Variants in RANBP2 observed in about 807,000 individuals in gnomAD.
RANBP2 encodes E3 SUMO-protein ligase RanBP2.
In RANBP2, 57 loss-of-function variants were observed where a neutral mutation model predicts 303.6. The ratio of observed to expected loss-of-function variants is 0.19; its 90% CI spans 0.15 to 0.23. The LOEUF is 0.23. RANBP2 is among the 10% of genes least tolerant of loss of function. The pLI, the probability that RANBP2 is intolerant of heterozygous loss-of-function variation, is 1.00. For missense variants in RANBP2, 3,138 were observed against 3,780.8 expected (o/e 0.83, Z 4.46); for synonymous variants, 1,167 against 1,301.5 (o/e 0.90, Z 2.23).
At chr2:108,976,775 T>A in the RANBP2 span, among the ~76,000 whole-genome samples, 3 of 152,210 alleles carry the variant, frequency 2.0e-5, no homozygotes. Context: ...GGTTTGTGTG[T>A]CCCTTAGACA....
the RANBP2 span, among the ~76,000 whole-genome samples, chr2:109,592,270 G>A: frequency 6.6e-6 from 1 of 151,872 alleles, no homozygotes; most frequent in African/African-American, 2.4e-5. Context: ...TTCGAGACCA[G>A]CCTGGGCAAC....
At chr2:109,613,806 G>A in the RANBP2 span, 10 of 1,232,886 alleles carry the variant, frequency 8.1e-6, no homozygotes, top group South Asian at 2.4e-4. Context: ...ACCAGGTGCC[G>A]CGCCACCTCG....
chr2:109,338,001 G>A, the RANBP2 span, among the ~76,000 whole-genome samples: 1 of 152,070 alleles, frequency 6.6e-6, no homozygotes, highest in Non-Finnish European at 1.5e-5. Context: ...CAAAGTGTTG[G>A]GATTACAGGC....
chr2:108,743,245 G>C (rs1376494479), intron 7 of RANBP2, among the ~76,000 whole-genome samples: 1 of 152,120 alleles, frequency 6.6e-6, no homozygotes, highest in Admixed American at 6.6e-5. Flanking sequence ...GATTGTAGGT[G>C]TGAGCTACTA....
At chr2:108,949,810 T>C in the RANBP2 span, among the ~76,000 whole-genome samples, 5 of 152,144 alleles carry the variant, frequency 3.3e-5, no homozygotes, top group African/African-American at 7.2e-5. Context: ...TAGCCAATGA[T>C]TTATCATGGG....
chr2:109,727,167 C>T, the RANBP2 span, among the ~76,000 whole-genome samples: 2 of 152,170 alleles, frequency 1.3e-5, no homozygotes, highest in Non-Finnish European at 2.9e-5. Context: ...ACATCTTTCA[C>T]TATGACAAGA....
the RANBP2 span, among the ~76,000 whole-genome samples, chr2:109,620,000 A>G: frequency 2.6e-5 from 4 of 152,168 alleles, no homozygotes; most frequent in Non-Finnish European, 5.9e-5. Flanking sequence ...AGAACACTAT[A>G]CTTTTTTTCT....
At chr2:109,333,053 A>G in the RANBP2 span, among the ~76,000 whole-genome samples, 1 of 152,226 alleles carries the variant, frequency 6.6e-6, no homozygotes, top group East Asian at 1.9e-4. Context: ...GTGAGTGCAG[A>G]GCTGCTCACT....
chr2:108,777,631 T>C (rs1487754994), intron 25 of RANBP2, among the ~76,000 whole-genome samples: 1 of 152,142 alleles, frequency 6.6e-6, no homozygotes, highest in Non-Finnish European at 1.5e-5. Context: ...GATTTCAGTA[T>C]TAGGGTTGTG....
At chr2:108,996,135 G>A in the RANBP2 span, among the ~76,000 whole-genome samples, 8 of 152,206 alleles carry the variant, frequency 5.3e-5, no homozygotes, top group Admixed American at 4.6e-4. Context: ...TTGACTAACT[G>A]GAAAGATTCT....
chr2:109,629,357 T>A, the RANBP2 span, among the ~76,000 whole-genome samples: 1,714 of 11,350 alleles, frequency 0.15, 25 homozygotes, highest in Non-Finnish European at 0.23. Flanking sequence ...ATATATATAT[T>A]TTTTTTTTTT....
chr2:109,384,138 A>T, the RANBP2 span, among the ~76,000 whole-genome samples: 1 of 152,184 alleles, frequency 6.6e-6, no homozygotes, highest in Admixed American at 6.5e-5. Context: ...TGCCCTCCCC[A>T]CAGTTCCTTC....
At chr2:108,791,292 C>T in the RANBP2 span, among the ~76,000 whole-genome samples, 3 of 152,080 alleles carry the variant, frequency 2.0e-5, no homozygotes, top group Admixed American at 2.0e-4. Context: ...ACTTTCTACT[C>T]GTTATGTCAC....
chr2:108,836,573 T>TG, the RANBP2 span, among the ~76,000 whole-genome samples: 2 of 152,250 alleles, frequency 1.3e-5, no homozygotes, highest in African/African-American at 4.8e-5. Context: ...TTTGAAGAAT[T>TG]GCTTTACTGT....
At chr2:109,656,069 G>C in the RANBP2 span, among the ~76,000 whole-genome samples, 1 of 152,150 alleles carries the variant, frequency 6.6e-6, no homozygotes, top group African/African-American at 2.4e-5. Context: ...GTCCCCAGGG[G>C]AGTCCCCTCT....
chr2:109,667,031 A>C, the RANBP2 span: 632 of 511,540 alleles, frequency 1.2e-3, 5 homozygotes, highest in Middle Eastern at 3.4e-3. Flanking sequence ...AGTGTTACTG[A>C]TCTTATGGAA....
the RANBP2 span, among the ~76,000 whole-genome samples, chr2:109,494,548 T>G: frequency 1.3e-5 from 2 of 152,152 alleles, no homozygotes; most frequent in African/African-American, 4.8e-5. Flanking sequence ...TGAGTAAAAC[T>G]TACTTCCAGG....
chr2:109,507,197 C>T, the RANBP2 span, among the ~76,000 whole-genome samples: 73 of 152,298 alleles, frequency 4.8e-4, no homozygotes, highest in African/African-American at 1.7e-3. Flanking sequence ...ACTGCCACGA[C>T]GTCTGTGCTG....
At chr2:109,302,854 A>G in the RANBP2 span, among the ~76,000 whole-genome samples, 2 of 152,108 alleles carry the variant, frequency 1.3e-5, no homozygotes, top group Admixed American at 1.3e-4. Flanking sequence ...ATGAGATCAG[A>G]TTATCTGATC....
Sources: allele counts gnomAD v4.1 joint callset (sites outside exome capture counted in the v4.1 genomes callset), GRCh38; gene constraint gnomAD v4.1.1; transcripts MANE v1.5; gene names NCBI Gene and HGNC (gene_info 2026-07-23, HGNC 2026-07-21).